The following THSD4 variants were observed in gnomAD, a reference collection of about 807,000 sequenced individuals.
THSD4 encodes thrombospondin type 1 domain containing 4.
A neutral mutation model predicts 119.0 loss-of-function variants in THSD4; 69 were observed. The ratio of observed to expected loss-of-function variants is 0.58; its 90% CI spans 0.48 to 0.71. THSD4 has a LOEUF of 0.71. Among genes scored for constraint, THSD4 ranks in the 30% least tolerant of loss-of-function variants. The pLI is 0.00. For missense variants in THSD4, 1,393 were observed against 1,391.1 expected (o/e 1.00, Z -0.02); for synonymous variants, 524 against 540.4 (o/e 0.97, Z 0.42).
intron 6 of THSD4, among the ~76,000 whole-genome samples, chr15:71,355,658 G>C (rs950413857): frequency 5.9e-5 from 9 of 152,108 alleles, no homozygotes; most frequent in Non-Finnish European, 1.3e-4. Context: ...CTTGGCCCCT[G>C]CTCAGCGGAG....
intron 7 of THSD4, among the ~76,000 whole-genome samples, chr15:71,603,694 T>C (rs1202196698): frequency 6.6e-6 from 1 of 152,088 alleles, no homozygotes; most frequent in Non-Finnish European, 1.5e-5. Flanking sequence ...GTAGGGTCTT[T>C]GGAAGGGGGC....
chr15:71,326,701 ATATAT>A (rs1423015220), intron 6 of THSD4, among the ~76,000 whole-genome samples: 3 of 15,204 alleles, frequency 2.0e-4, no homozygotes, highest in Non-Finnish European at 4.1e-4. Flanking sequence ...AAAAAAAAAA[ATATAT>A]ATATATATAT....
intron 1 of THSD4, among the ~76,000 whole-genome samples, chr15:71,141,004 T>C (rs906654163): frequency 4.6e-5 from 7 of 152,278 alleles, no homozygotes; most frequent in African/African-American, 1.7e-4. Context: ...TTTTCAAGGT[T>C]CATCCCCATT....
intron 7 of THSD4, among the ~76,000 whole-genome samples, chr15:71,574,027 G>A (rs1359916725): frequency 6.6e-6 from 1 of 152,158 alleles, no homozygotes; most frequent in Admixed American, 6.5e-5. Context: ...CTGAAGAGGC[G>A]AAACCATAAT....
intron 7 of THSD4, among the ~76,000 whole-genome samples, chr15:71,580,138 G>A (rs1406863686): frequency 2.0e-5 from 3 of 152,142 alleles, no homozygotes; most frequent in African/African-American, 7.2e-5. Context: ...TGTCATGCTA[G>A]GATAGTTCCA....
chr15:71,667,778 T>C (rs1336790461), intron 8 of THSD4, among the ~76,000 whole-genome samples: 1 of 152,152 alleles, frequency 6.6e-6, no homozygotes, highest in Non-Finnish European at 1.5e-5. Flanking sequence ...GGAAGACAAA[T>C]GAAATAGAGC....
chr15:71,562,198 G>C (rs2049134384), intron 7 of THSD4, among the ~76,000 whole-genome samples: 2 of 152,160 alleles, frequency 1.3e-5, no homozygotes, highest in East Asian at 1.9e-4. Context: ...GGAAAGCTTG[G>C]GGGTACTTGG....
chr15:71,749,293 G>A (rs1229224004), intron 14 of THSD4, among the ~76,000 whole-genome samples: 1 of 152,256 alleles, frequency 6.6e-6, no homozygotes, highest in East Asian at 1.9e-4. Context: ...TAAACAAATT[G>A]TAGAACATAC....
rs1201485930 is a variant in THSD4, at chr15:71,417,604, T to C, written c.1152+5781T>C. On this transcript the variant is annotated intron_variant, in intron 7 of 17. Transcript: ENST00000261862. ...CTGTTCCATTGGTCTATATGTCTCT[T>C]TTTATGCCAGTACCATGCTGTTTTG... Among the ~76,000 whole-genome samples the C allele has an allele frequency of 3.7e-5, 4 of 107,904 alleles. 2 individuals carry two copies. Among genetic ancestry groups the C allele is most frequent in the African/African-American group, 1.3e-4 (4 of 31,660 alleles). The allele number at this position is 107,904 out of a possible 152,430, so 70.8% of individuals were successfully genotyped here.
intron 3 of THSD4, among the ~76,000 whole-genome samples, chr15:71,182,166 C>T (rs1379756405): frequency 6.8e-6 from 1 of 148,078 alleles, no homozygotes; most frequent in African/African-American, 2.4e-5. Context: ...CTACTAAGTT[C>T]AAGGGCAAAA....
At chr15:71,242,592 G>A (rs888567263) in intron 4 of THSD4, 57 bp from the exon 5 acceptor site, 22 of 1,563,394 alleles carry the variant, frequency 1.4e-5, no homozygotes, top group Non-Finnish European at 1.7e-5. Context: ...GAGCTTCTGA[G>A]TTAACATGAA....
intron 1 of THSD4, among the ~76,000 whole-genome samples, chr15:71,136,928 T>A (rs2040557452): frequency 6.6e-6 from 1 of 152,118 alleles, no homozygotes; most frequent in South Asian, 2.1e-4. Context: ...CACCCTTAGT[T>A]TGATGATCCT....
chr15:71,506,121 G>C (rs1192084178), intron 7 of THSD4, among the ~76,000 whole-genome samples: 1 of 152,164 alleles, frequency 6.6e-6, no homozygotes, highest in East Asian at 1.9e-4. Context: ...TGTCAGGAGT[G>C]GTCCTTGCCC....
chr15:71,341,077 T>C (rs2045561521), intron 6 of THSD4: 1 of 1,044,254 alleles, frequency 9.6e-7, no homozygotes, highest in South Asian at 1.4e-5. Context: ...TGCCTTGCCT[T>C]TTCTTTTCTA....
At chr15:71,706,044 G>C (rs1034602180) in intron 8 of THSD4, among the ~76,000 whole-genome samples, 12 of 152,164 alleles carry the variant, frequency 7.9e-5, no homozygotes, top group African/African-American at 2.7e-4. Flanking sequence ...CAGAGATTGT[G>C]TAACCCCTTA....
intron 3 of THSD4, among the ~76,000 whole-genome samples, chr15:71,213,266 G>T (rs2043902283): frequency 6.6e-6 from 1 of 152,130 alleles, no homozygotes; most frequent in Non-Finnish European, 1.5e-5. Context: ...CTGTGTCCGT[G>T]TCTTCTCTTC....
chr15:71,478,382 T>C (rs2047681022), intron 7 of THSD4, among the ~76,000 whole-genome samples: 1 of 152,220 alleles, frequency 6.6e-6, no homozygotes, highest in Admixed American at 6.5e-5. Flanking sequence ...AGGACATAAC[T>C]TATGCAGAAT....
At chr15:71,408,515 G>A (rs2046638147) in intron 6 of THSD4, among the ~76,000 whole-genome samples, 1 of 152,136 alleles carries the variant, frequency 6.6e-6, no homozygotes, top group African/African-American at 2.4e-5. Flanking sequence ...TAACAGACAT[G>A]AGCCACTGTG....
chr15:71,108,730 G>A (rs971909724), intron 1 of THSD4, among the ~76,000 whole-genome samples: 5 of 152,200 alleles, frequency 3.3e-5, no homozygotes, highest in African/African-American at 9.7e-5. Flanking sequence ...GGTAGCTCAC[G>A]CCTGTAATCC....
Sources: allele counts gnomAD v4.1 joint callset (sites outside exome capture counted in the v4.1 genomes callset), GRCh38; gene constraint gnomAD v4.1.1; transcripts MANE v1.5; gene names NCBI Gene and HGNC (gene_info 2026-07-23, HGNC 2026-07-21).